C11orf97: variants seen among roughly 807,000 people sequenced by gnomAD.
The protein encoded by C11orf97 is chromosome 11 open reading frame 97.
A neutral mutation model predicts 16.2 loss-of-function variants in C11orf97; 15 were observed. The observed-to-expected ratio is 0.93, with a 90% CI of 0.62 to 1.43. The LOEUF (loss-of-function observed/expected upper bound fraction) is 1.43. C11orf97 is among the 40% of genes most tolerant of loss of function. C11orf97 has a pLI of 0.00. For missense variants in C11orf97, 171 were observed against 161.2 expected (o/e 1.06, Z -0.33); for synonymous variants, 61 against 65.7 (o/e 0.93, Z 0.34).
At chr11:94,528,054 T>C in intron 2 of C11orf97, 30 bp from the exon 3 acceptor site, 2 of 1,506,592 alleles carry the variant, frequency 1.3e-6, no homozygotes, top group Non-Finnish European at 8.8e-7. Context: ...ACGCTAATAA[T>C]TATTTTCTTG....
At chr11:94,518,427 G>T (rs921466629) in intron 2 of C11orf97, among the ~76,000 whole-genome samples, 2 of 151,400 alleles carry the variant, frequency 1.3e-5, no homozygotes, top group Non-Finnish European at 2.9e-5. Flanking sequence ...CCAAGAATTT[G>T]GATTTTTACA....
Position 94,512,465 on chromosome 11 carries a change from T to G in C11orf97, c.-64T>G. ...TGGCAACCCGAGACGCCTCGCATGCTGGGCTGCCTGCGACTGAGCTGAGAA... is the reference window on the plus strand; with the variant it reads ...TGGCAACCCGAGACGCCTCGCATGCGGGGCTGCCTGCGACTGAGCTGAGAA... On this transcript the variant is annotated 5_prime_UTR_variant, in exon 1 of 4. Coordinates refer to ENST00000542198, the MANE Select transcript of C11orf97 (RefSeq NM_001190462.2). The G allele has an allele frequency of 4.8e-6, 6 of 1,248,722 alleles. No individual in the cohort carries two copies. Among genetic ancestry groups the G allele is most frequent in the Non-Finnish European group, 4.0e-6 (4 of 995,352 alleles). 77.4% of individuals were successfully genotyped at this position (1,248,722 alleles called of 1,614,324 possible).
chr11:94,512,654 C>T lies in C11orf97; in HGVS notation c.126C>T (p.Pro42=). 3.2e-6 allele frequency: 4 copies of T among 1,246,872 alleles called. No individual in the cohort carries two copies. The highest frequency in any genetic ancestry group is 4.0e-6 in the Non-Finnish European group (4 of 994,926). 77.2% of individuals were successfully genotyped at this position (1,246,872 alleles called of 1,614,324 possible). A position where few individuals can be genotyped will look rare whatever the true frequency, so the allele number is the denominator to read the frequency against. ...CGARGEPGRG[P]LEHGQQWKKF... is the part of the protein sequence containing the mutation. ...CGCGCGGGGAACCCGGCCGCGGCCC[C>T]CTAGAGCACGGCCAGCAGTGTGAGT... The change falls in exon 1 of 4, where the codon CCC becomes CCT. Residue 42 remains proline (P), a synonymous_variant. Transcript: ENST00000542198.
intron 2 of C11orf97, among the ~76,000 whole-genome samples, chr11:94,525,309 T>C (rs889975623): frequency 7.1e-4 from 108 of 152,290 alleles, no homozygotes; most frequent in African/African-American, 1.8e-3. Flanking sequence ...ACTGAACTTA[T>C]TAATCTTCCC....
Position 94,512,534 on chromosome 11 carries a change from A to G in C11orf97, c.6A>G (p.Thr2=). ...TCTCGGAAGACCGCTGCGGCATGAC[A>G]GGCGAGGAGGCGGTGGTGGTGACCG... The part of the protein sequence containing the change: M[T]GEEAVVVTAV... Residue 2 remains threonine, a synonymous_variant, in exon 1 of 4, where the codon ACA becomes ACG. Transcript: ENST00000542198. 2 of 1,308,036 alleles carry G rather than the reference A, an allele frequency of 1.5e-6. No individual in the cohort carries two copies. The highest frequency in any genetic ancestry group is 2.2e-5 in the South Asian group (1 of 45,656). 81.0% of individuals were successfully genotyped at this position (1,308,036 alleles called of 1,614,324 possible).
intron 1 of C11orf97, among the ~76,000 whole-genome samples, chr11:94,514,720 C>A (rs564201981): frequency 6.6e-6 from 1 of 150,602 alleles, no homozygotes; most frequent in African/African-American, 2.5e-5. Context: ...TCTCGGCTCA[C>A]CGCAACTTCC....
intron 2 of C11orf97, among the ~76,000 whole-genome samples, chr11:94,521,091 C>G (rs1403033309): frequency 2.0e-5 from 3 of 152,216 alleles, no homozygotes; most frequent in African/African-American, 7.2e-5. Context: ...ATCTTCCTCT[C>G]TCTTCATTCA....
At chr11:94,518,753 G>A (rs939213658) in intron 2 of C11orf97, among the ~76,000 whole-genome samples, 35 of 152,160 alleles carry the variant, frequency 2.3e-4, no homozygotes, top group African/African-American at 8.2e-4. Context: ...GCAGTTGCTA[G>A]AAGAAATAAC....
chr11:94,522,486 G>A (rs929822027), intron 2 of C11orf97, among the ~76,000 whole-genome samples: 3 of 152,264 alleles, frequency 2.0e-5, no homozygotes, highest in East Asian at 3.9e-4. Context: ...GCAGTGAGCC[G>A]AGATCCGCCA....
intron 2 of C11orf97, among the ~76,000 whole-genome samples, chr11:94,519,198 AC>A (rs1947637854): frequency 6.6e-6 from 1 of 152,032 alleles, no homozygotes; most frequent in Non-Finnish European, 1.5e-5. Context: ...ATGAGCCACC[AC>A]GCCCGGCCCC....
chr11:94,523,054 G>A (rs906327310), intron 2 of C11orf97, among the ~76,000 whole-genome samples: 2 of 152,028 alleles, frequency 1.3e-5, no homozygotes, highest in Non-Finnish European at 1.5e-5. Flanking sequence ...GTATGTTCAC[G>A]TGCCCGCTGC....
In C11orf97 at chr11:94,531,959, G is replaced by A. The variant is rs1342539409; in HGVS notation, c.*59G>A. The A allele has an allele frequency of 8.1e-6, 11 of 1,360,666 alleles. No homozygotes were observed. The highest frequency in any genetic ancestry group is 2.9e-6 in the Non-Finnish European group (3 of 1,033,142). 84.3% of individuals were successfully genotyped at this position (1,360,666 alleles called of 1,614,324 possible). On this transcript the variant is annotated 3_prime_UTR_variant, in exon 4 of 4. Coordinates refer to ENST00000542198, the MANE Select transcript of C11orf97 (RefSeq NM_001190462.2). ...TTTCTGCTGATGTCTGAAGAACGGA[G>A]AAGAAACTCAAGCTTGTTTCAGGAT...
rs1379267104 is a variant in C11orf97 at position 94,527,010 on chromosome 11, G to A, written c.251-1074G>A. On this transcript the variant is annotated intron_variant, in intron 2 of 3. Transcript: ENST00000542198. ...TACAAAAATAGCTATCATTTATTGA[G>A]TACAAAGCACTTTACAGCCATCTCA... Among the ~76,000 whole-genome samples the A allele has an allele frequency of 3.3e-5, 5 of 152,252 alleles. No homozygotes were observed. The East Asian group carries it at 9.6e-4, about 29-fold the overall frequency.
intron 2 of C11orf97, 63 bp downstream of exon 2, chr11:94,517,750 AG>A: frequency 9.0e-7 from 1 of 1,105,246 alleles, no homozygotes; most frequent in East Asian, 2.7e-5. Flanking sequence ...ACTTGATGAC[AG>A]AGTATTTTAT....
At chr11:94,523,199 G>T (rs1947673272) in intron 2 of C11orf97, among the ~76,000 whole-genome samples, 1 of 152,194 alleles carries the variant, frequency 6.6e-6, no homozygotes, top group Admixed American at 6.5e-5. Context: ...CATATTACCT[G>T]CCTGGCCTCT....
chr11:94,523,634 C>T (rs1947677008), intron 2 of C11orf97, among the ~76,000 whole-genome samples: 1 of 152,178 alleles, frequency 6.6e-6, no homozygotes, highest in Non-Finnish European at 1.5e-5. Flanking sequence ...TGCTTTTTCT[C>T]TTCTCCTTTG....
At chr11:94,514,663 T>C (rs1282681595) in intron 1 of C11orf97, among the ~76,000 whole-genome samples, 4 of 107,518 alleles carry the variant, frequency 3.7e-5, no homozygotes, top group Non-Finnish European at 7.9e-5. Context: ...TTTTTTTTTT[T>C]AGACAGAGTC....
intron 1 of C11orf97, among the ~76,000 whole-genome samples, chr11:94,515,678 T>C (rs1947606365): frequency 1.3e-5 from 2 of 151,424 alleles, no homozygotes; most frequent in South Asian, 4.2e-4. Flanking sequence ...TTTCCTTTCC[T>C]CTCCTCTCCT....
chr11:94,515,990 T>G (rs1483414401), intron 1 of C11orf97, among the ~76,000 whole-genome samples: 1 of 152,234 alleles, frequency 6.6e-6, no homozygotes, highest in Non-Finnish European at 1.5e-5. Flanking sequence ...TGCCTGAAGA[T>G]CATGATTTAA....
Sources: gnomAD v4.1 joint callset for allele counts (sites outside exome capture counted in the v4.1 genomes callset) on GRCh38, gnomAD v4.1.1 for gene constraint, MANE v1.5 for transcripts, NCBI Gene and HGNC (gene_info 2026-07-23, HGNC 2026-07-21) for gene names.